Variants in CSMD3 observed in about 807,000 individuals in gnomAD.
CSMD3 encodes the protein CUB and sushi domain-containing protein 3.
In CSMD3, 177 loss-of-function variants were observed where a neutral mutation model predicts 435.2. The observed-to-expected ratio is 0.41, with a 90% confidence interval of 0.36 to 0.46. The LOEUF is 0.46. CSMD3 is among the 20% of genes least tolerant of loss of function. The pLI, the probability that CSMD3 is intolerant of heterozygous loss-of-function variation, is 0.34. For missense variants in CSMD3, 4,265 were observed against 4,504.6 expected (o/e 0.95, Z 1.52); for synonymous variants, 1,656 against 1,520.5 (o/e 1.09, Z -2.07).
At chr8:113,144,514 G>A (rs981301385) in intron 4 of CSMD3, among the ~76,000 whole-genome samples, 5 of 151,390 alleles carry the variant, frequency 3.3e-5, no homozygotes, top group African/African-American at 7.3e-5. Flanking sequence ...TCATATTTCC[G>A]GAAATAGTCT....
intron 27 of CSMD3, among the ~76,000 whole-genome samples, chr8:112,522,992 A>G (rs1824458781): frequency 6.6e-6 from 1 of 151,976 alleles, no homozygotes. Flanking sequence ...TGGTGACAAG[A>G]GCAAAAGAAA....
intron 9 of CSMD3, among the ~76,000 whole-genome samples, chr8:112,945,732 T>C (rs1039635295): frequency 3.3e-5 from 5 of 151,688 alleles, no homozygotes; most frequent in Admixed American, 2.6e-4. Context: ...GCTTACTTTC[T>C]CTGATGCAAA....
At chr8:112,454,136 T>A (rs1296697169) in intron 32 of CSMD3, among the ~76,000 whole-genome samples, 1 of 152,150 alleles carries the variant, frequency 6.6e-6, no homozygotes, top group Non-Finnish European at 1.5e-5. Context: ...GACGTCAAAC[T>A]ATAAAAATCC....
At chr8:112,948,274 A>G (rs1424640661) in intron 8 of CSMD3, among the ~76,000 whole-genome samples, 3 of 151,990 alleles carry the variant, frequency 2.0e-5, no homozygotes, top group Non-Finnish European at 4.4e-5. Flanking sequence ...GATCCTTATT[A>G]TTTTTGAAGG....
intron 1 of CSMD3, among the ~76,000 whole-genome samples, chr8:113,429,873 C>T (rs2094660240): frequency 6.6e-6 from 1 of 152,102 alleles, no homozygotes; most frequent in South Asian, 2.1e-4. Flanking sequence ...TTGTAAAATA[C>T]ATGAGCAGTG....
At chr8:112,291,374 A>G in intron 56 of CSMD3, 136 bp downstream of exon 56, 1 of 687,138 alleles carries the variant, frequency 1.5e-6, no homozygotes, top group Admixed American at 2.8e-5. Flanking sequence ...AGAAAAGTAT[A>G]ATTTCAAAAC....
At chr8:112,415,526 CCA>C (rs1250822737) in intron 32 of CSMD3, among the ~76,000 whole-genome samples, 1 of 152,126 alleles carries the variant, frequency 6.6e-6, no homozygotes, top group Non-Finnish European at 1.5e-5. Context: ...ATCAGAGCTC[CCA>C]CACAGAGTAC....
At chr8:113,042,423 T>C (rs561790156) in intron 5 of CSMD3, among the ~76,000 whole-genome samples, 2 of 152,304 alleles carry the variant, frequency 1.3e-5, no homozygotes, top group South Asian at 4.1e-4. Flanking sequence ...TAAATAGTTT[T>C]CTTTACAGTA....
chr8:112,277,456 T>G (rs1011549413), intron 59 of CSMD3, among the ~76,000 whole-genome samples: 1 of 152,188 alleles, frequency 6.6e-6, no homozygotes, highest in African/African-American at 2.4e-5. Context: ...TTATCAGCAT[T>G]TTGCTCAAAG....
intron 1 of CSMD3, among the ~76,000 whole-genome samples, chr8:113,348,831 T>C (rs1275710831): frequency 1.3e-5 from 2 of 152,062 alleles, no homozygotes; most frequent in African/African-American, 4.8e-5. Context: ...GAATATTTAG[T>C]GTGTGTATAA....
intron 63 of CSMD3, among the ~76,000 whole-genome samples, chr8:112,250,516 G>T (rs1277378668): frequency 6.6e-6 from 1 of 151,390 alleles, no homozygotes; most frequent in African/African-American, 2.4e-5. Flanking sequence ...CCACTTAATA[G>T]TGTATTTTAA....
intron 21 of CSMD3, among the ~76,000 whole-genome samples, chr8:112,637,404 T>C (rs1174183160): frequency 2.6e-5 from 4 of 152,062 alleles, no homozygotes; most frequent in African/African-American, 9.7e-5. Flanking sequence ...TTGAAATGCT[T>C]TTGCTTAATA....
intron 13 of CSMD3, among the ~76,000 whole-genome samples, chr8:112,732,752 T>A (rs1289551785): frequency 6.6e-6 from 1 of 151,496 alleles, no homozygotes; most frequent in East Asian, 1.9e-4. Context: ...CCGAATAGAC[T>A]TATTTTAGAA....
At chr8:113,205,652 G>T (rs564185021) in intron 3 of CSMD3, among the ~76,000 whole-genome samples, 58 of 152,206 alleles carry the variant, frequency 3.8e-4, no homozygotes, top group African/African-American at 1.4e-3. Flanking sequence ...AGCAGCAAAA[G>T]AATAAAACAA....
intron 27 of CSMD3, among the ~76,000 whole-genome samples, chr8:112,544,929 T>C (rs1316581728): frequency 6.6e-6 from 1 of 152,218 alleles, no homozygotes; most frequent in Non-Finnish European, 1.5e-5. Flanking sequence ...ATTTCAATGA[T>C]AAAGTAATTA....
intron 3 of CSMD3, among the ~76,000 whole-genome samples, chr8:113,195,551 C>G (rs925526982): frequency 6.7e-6 from 1 of 150,334 alleles, no homozygotes; most frequent in African/African-American, 2.4e-5. Flanking sequence ...CAGGAATGCT[C>G]TGTATTTTTA....
At chr8:112,347,391 A>G (rs926802404) in intron 40 of CSMD3, among the ~76,000 whole-genome samples, 5 of 152,186 alleles carry the variant, frequency 3.3e-5, no homozygotes, top group Admixed American at 2.6e-4. Context: ...CTTATTTGCA[A>G]TCGCATCCAT....
intron 9 of CSMD3, among the ~76,000 whole-genome samples, chr8:112,946,269 A>C (rs924769717): frequency 6.6e-6 from 1 of 151,758 alleles, no homozygotes; most frequent in African/African-American, 2.4e-5. Context: ...AAGTTATCTC[A>C]TGTGATCTTC....
chr8:113,049,393 T>C (rs2087986901), intron 5 of CSMD3, among the ~76,000 whole-genome samples: 1 of 151,336 alleles, frequency 6.6e-6, no homozygotes, highest in African/African-American at 2.4e-5. Context: ...ATTTTCTCTG[T>C]TCTAGTAGGA....
Sources: allele counts gnomAD v4.1 joint callset (sites outside exome capture counted in the v4.1 genomes callset), GRCh38; gene constraint gnomAD v4.1.1; transcripts MANE v1.5; gene names NCBI Gene and HGNC (gene_info 2026-07-23, HGNC 2026-07-21).